The following RO60 variants were observed in gnomAD, a reference collection of about 807,000 sequenced individuals.
The protein encoded by RO60 is RNA-binding protein RO60.
In RO60, 20 loss-of-function variants were observed where a neutral mutation model predicts 55.3. The ratio of observed to expected loss-of-function variants is 0.36; its 90% CI spans 0.25 to 0.53. The LOEUF (loss-of-function observed/expected upper bound fraction) is 0.53. Ranked by LOEUF, RO60 falls within the 20% of genes least tolerant of loss-of-function variation. The pLI is 0.92. For missense variants in RO60, 558 were observed against 646.6 expected, an observed-to-expected ratio of 0.86 and a Z score of 1.49; for synonymous variants, 213 against 213.6, an observed-to-expected ratio of 1.00 and a Z score of 0.02.
rs1303520663 is a variant in RO60 at position 193,086,887 on chromosome 1, T to A, written c.*2156T>A. ...TGGCATATTTGAGCTGGAAGAAACCTTAGAAACCTAAAAGCTAATTTTTTA... is the reference window on the plus strand; with the variant it reads ...TGGCATATTTGAGCTGGAAGAAACCATAGAAACCTAAAAGCTAATTTTTTA... On this transcript the variant is annotated 3_prime_UTR_variant, in exon 9 of 9. Coordinates refer to ENST00000400968, the MANE Select transcript of RO60 (RefSeq NM_001173524.2). 2 of 152,070 alleles carry A rather than the reference T, an allele frequency of 1.3e-5. No individual in the cohort carries two copies. The highest frequency in any genetic ancestry group is 2.9e-5 in the Non-Finnish European group (2 of 67,968). The allele number at this position is 152,070 out of a possible 1,614,324, so 9.4% of individuals were successfully genotyped here.
rs1217947662 is a variant in RO60 at position 193,085,675 on chromosome 1, A to T, written c.*944A>T. The T allele has an allele frequency of 2.0e-6, 2 of 977,250 alleles. No homozygotes were observed. The highest frequency in any genetic ancestry group is 1.1e-4 in the East Asian group (1 of 8,798). The allele number at this position is 977,250 out of a possible 1,614,324, so 60.5% of individuals were successfully genotyped here. On this transcript the variant is annotated 3_prime_UTR_variant, in exon 9 of 9. Transcript: ENST00000400968. The stretch of plus-strand genomic sequence containing the variant: ...GCTTTTTCCTTACTTTTAAAATAAA[A>T]TTTTTTACTTTTAACTATTTTTTTA...
chr1:193,082,422 C>T, intron 7 of RO60, 123 bp downstream of exon 7: 1 of 1,324,706 alleles, frequency 7.5e-7, no homozygotes, highest in South Asian at 1.3e-5. Context: ...TTAATTTTTG[C>T]ATGACAAGTA....
chr1:193,076,129 T>A (rs1673900357), intron 3 of RO60, 89 bp downstream of exon 3: 6 of 778,972 alleles, frequency 7.7e-6, no homozygotes, highest in Non-Finnish European at 1.1e-5. Flanking sequence ...GCTATATATT[T>A]ATACTTTTAA....
intron 6 of RO60, 148 bp from the exon 7 acceptor site, chr1:193,082,038 A>T: frequency 1.5e-6 from 1 of 645,336 alleles, no homozygotes; most frequent in Non-Finnish European, 2.7e-6. Flanking sequence ...TGAAAGCTGT[A>T]CTACTGTTAA....
In RO60 at chr1:193,090,132, A is replaced by C. The variant is rs980970010; in HGVS notation, c.*5401A>C. On this transcript the variant is annotated 3_prime_UTR_variant, in exon 9 of 9. Coordinates refer to ENST00000400968, the MANE Select transcript of RO60 (RefSeq NM_001173524.2). ...TTTTCATCTTAAGTTGTTTAAATTT[A>C]TGCACTTTTAGATATCAGAATATAT... is the stretch of plus-strand genomic sequence containing the variant. The C allele has an allele frequency of 2.6e-5, 4 of 152,092 alleles. No homozygotes were observed. Among genetic ancestry groups the C allele is most frequent in the Non-Finnish European group, 5.9e-5 (4 of 68,028 alleles). 9.4% of individuals were successfully genotyped at this position (152,092 alleles called of 1,614,324 possible). A position where few individuals can be genotyped will look rare whatever the true frequency, so the allele number is the denominator to read the frequency against.
In RO60 at chr1:193,088,849, T is replaced by G. The variant is rs1301340820; in HGVS notation, c.*4118T>G. On this transcript the variant is annotated 3_prime_UTR_variant, in exon 9 of 9. Transcript: ENST00000400968. ...GTCTGTTTCCTCATCTCTTATTTGT[T>G]GGAAGATTACTTTTCTACCTCTTTT... 6.6e-5 allele frequency: 10 copies of G among 152,230 alleles called. 2 individuals carry two copies. Among genetic ancestry groups the G allele is most frequent in the Admixed American group, 6.5e-4 (10 of 15,282 alleles). The allele number at this position is 152,230 out of a possible 1,614,324, so 9.4% of individuals were successfully genotyped here.
At position 193,076,542 on chromosome 1, in the gene RO60, A is replaced by G. The variant is rs1228539483; in HGVS notation, c.843A>G (p.Leu281=). The G allele has an allele frequency of 6.2e-7, 1 of 1,612,626 alleles. No homozygotes were observed. Among genetic ancestry groups the G allele is most frequent in the Non-Finnish European group, 8.5e-7 (1 of 1,179,438 alleles). ...ALLQEMPLTA[L]LRNLGKMTAN... is the part of the protein sequence containing the mutation. ...TACAAGAAATGCCGCTTACTGCATT[A>G]CTAAGGAATCTAGGAAAGATGACTG... is the stretch of plus-strand genomic sequence containing the variant. The change falls in exon 4 of 9, where the codon TTA becomes TTG. Residue 281 remains leucine (L), a synonymous_variant. Transcript: ENST00000400968.
chr1:193,060,089 C>T (rs561146047), intron 1 of RO60: 4 of 1,257,250 alleles, frequency 3.2e-6, no homozygotes, highest in African/African-American at 3.1e-5. Flanking sequence ...CTGCTTTACT[C>T]CTCCTCTTTC....
intron 1 of RO60, among the ~76,000 whole-genome samples, chr1:193,061,303 A>G (rs1447550864): frequency 6.6e-6 from 1 of 152,192 alleles, no homozygotes; most frequent in Non-Finnish European, 1.5e-5. Context: ...TCATGGGTAA[A>G]CAAACCTCTA....
intron 1 of RO60, among the ~76,000 whole-genome samples, chr1:193,062,379 A>T (rs561529273): frequency 6.6e-6 from 1 of 152,360 alleles, no homozygotes; most frequent in South Asian, 2.1e-4. Context: ...GTAGGGCTAA[A>T]TATAATTTTT....
In RO60 at chr1:193,084,744, G is replaced by A. The variant is rs367696749; in HGVS notation, c.*13G>A. ...AGATATGATTTAACCATAAGCAGCAGCACGATCCAGAGATCCATTGCCATC... is the reference window on the plus strand; with the variant it reads ...AGATATGATTTAACCATAAGCAGCAACACGATCCAGAGATCCATTGCCATC... On this transcript the variant is annotated 3_prime_UTR_variant, in exon 9 of 9. Transcript: ENST00000400968. 6 of 1,606,688 alleles carry A rather than the reference G, an allele frequency of 3.7e-6. No individual in the cohort carries two copies. Among genetic ancestry groups the A allele is most frequent in the Non-Finnish European group, 4.2e-6 (5 of 1,177,454 alleles).
In RO60 at chr1:193,059,871, C is replaced by T. The variant is rs990140768; in HGVS notation, c.-22+95C>T. On this transcript the variant is annotated intron_variant, in intron 1 of 8. Transcript: ENST00000400968. The surrounding 1 kb of genome is among the most constrained non-coding windows in gnomAD (Gnocchi z 4.9). ...TCCTCCATGTCTCTCACCCGCATCC[C>T]AGGGGTTGAGGCTGGGCAAACGCCG... 8 of 1,364,672 alleles carry T rather than the reference C, an allele frequency of 5.9e-6. No individual in the cohort carries two copies. Among genetic ancestry groups the T allele is most frequent in the African/African-American group, 4.4e-5 (3 of 67,706 alleles). The allele number at this position is 1,364,672 out of a possible 1,614,324, so 84.5% of individuals were successfully genotyped here. A position where few individuals can be genotyped will look rare whatever the true frequency, so the allele number is the denominator to read the frequency against.
chr1:193,065,203 A>G (rs1324745740), intron 1 of RO60, among the ~76,000 whole-genome samples: 1 of 152,244 alleles, frequency 6.6e-6, no homozygotes, highest in African/African-American at 2.4e-5. Context: ...GGCTTTAAGT[A>G]TGTATTGCTA....
rs1195967048 is a variant in RO60, at chr1:193,083,325, A to G, written c.1464+617A>G. 2.0e-5 allele frequency among the ~76,000 whole-genome samples: 3 copies of G among 152,254 alleles called. No homozygotes were observed. The East Asian group carries it at 5.8e-4, about 29-fold the overall frequency. ...TCAGTGTGCTCCTTGAAAAATTGAA[A>G]GTATTAGTGAGTTTTGCAAAAGGAT... On this transcript the variant is annotated intron_variant, in intron 8 of 8. Transcript: ENST00000400968.
chr1:193,081,159 C>CT (rs1674284505), intron 5 of RO60, among the ~76,000 whole-genome samples: 1 of 151,628 alleles, frequency 6.6e-6, no homozygotes, highest in Non-Finnish European at 1.5e-5. Flanking sequence ...CCTGTAAAAG[C>CT]TAAGTATTTT....
chr1:193,069,659 A>G (rs1351776513), intron 2 of RO60, 25 bp downstream of exon 2: 1 of 1,568,312 alleles, frequency 6.4e-7, no homozygotes, highest in Admixed American at 1.8e-5. Flanking sequence ...TTCATTGGGA[A>G]GAAGGGTGGG....
In RO60 at chr1:193,076,495, C is replaced by G. The variant is rs1673929344; in HGVS notation, c.802-6C>G. The G allele has an allele frequency of 1.9e-6, 3 of 1,607,698 alleles. No homozygotes were observed. Among genetic ancestry groups the G allele is most frequent in the Middle Eastern group, 1.7e-4 (1 of 6,048 alleles). On this transcript the variant is annotated splice_polypyrimidine_tract_variant and splice_region_variant and intron_variant, in intron 3 of 8. Transcript: ENST00000400968. ...CCTGGTATTTCTGCCTATGTTATTG[C>G]AATAGGTATGGAAGGCTTTGTTACA...
chr1:193,091,707 T>C (rs369947770), downstream of RO60: 2 of 1,603,862 alleles, frequency 1.2e-6, no homozygotes, highest in Non-Finnish European at 1.7e-6. Context: ...AGGTGGACAC[T>C]GTGTGAACTG....
chr1:193,061,726 T>C (rs1672758407), intron 1 of RO60, among the ~76,000 whole-genome samples: 1 of 152,262 alleles, frequency 6.6e-6, no homozygotes, highest in Non-Finnish European at 1.5e-5. Context: ...GGCTCACGCC[T>C]GTAATCCCAG....
Sources: gnomAD v4.1 joint callset for allele counts (sites outside exome capture counted in the v4.1 genomes callset) on GRCh38, gnomAD v4.1.1 for gene constraint, Gnocchi (gnomAD v3.1) non-coding constraint, MANE v1.5 for transcripts, NCBI Gene and HGNC (gene_info 2026-07-23, HGNC 2026-07-21) for gene names.